Variants in RPRD1B observed in about 807,000 individuals in gnomAD.
The protein encoded by RPRD1B is regulation of nuclear pre-mRNA domain containing 1B.
Under a neutral mutation model 41.5 loss-of-function variants are expected in RPRD1B, and 11 were observed. The ratio of observed to expected loss-of-function variants is 0.27; its 90% CI spans 0.17 to 0.44. The LOEUF (loss-of-function observed/expected upper bound fraction) is 0.44. Ranked by LOEUF, RPRD1B falls within the 20% of genes least tolerant of loss-of-function variation. The pLI, the probability that RPRD1B is intolerant of heterozygous loss-of-function variation, is 1.00. For missense variants in RPRD1B, 248 were observed against 389.9 expected, an observed-to-expected ratio of 0.64 and a Z score of 3.06; for synonymous variants, 158 against 155.6, an observed-to-expected ratio of 1.02 and a Z score of -0.12.
At position 38,090,048 on chromosome 20, in the gene RPRD1B, G is replaced by A; in HGVS notation, c.*173G>A. 1 of 1,371,776 alleles carries A rather than the reference G, an allele frequency of 7.3e-7. No homozygotes were observed. Among genetic ancestry groups the A allele is most frequent in the Non-Finnish European group, 9.4e-7 (1 of 1,062,072 alleles). 85.0% of individuals were successfully genotyped at this position (1,371,776 alleles called of 1,614,324 possible). On this transcript the variant is annotated 3_prime_UTR_variant, in exon 7 of 7. Coordinates refer to ENST00000373433, the MANE Select transcript of RPRD1B (RefSeq NM_021215.4). ...TCTTCAGCCTCTCATCTTGAGCACA[G>A]TTCAGAACAGTGGCGACTGGAATCT...
intron 2 of RPRD1B, among the ~76,000 whole-genome samples, chr20:38,044,074 T>C (rs1408668248): frequency 6.6e-6 from 1 of 152,198 alleles, no homozygotes; most frequent in Admixed American, 6.5e-5. Context: ...CATCATGTAG[T>C]CATAGTCATG....
At chr20:38,081,268 C>T (rs973052523) in intron 6 of RPRD1B, among the ~76,000 whole-genome samples, 9 of 151,334 alleles carry the variant, frequency 5.9e-5, no homozygotes, top group Middle Eastern at 3.4e-3. Context: ...TTCTTGTTGT[C>T]GAGATTTTTC....
In RPRD1B at chr20:38,062,214, T is replaced by C. The variant is rs184160435; in HGVS notation, c.655+2694T>C. Reference sequence around the variant, plus strand: ...CTAGGACCCTGCATTATTCTAGCTTTCCTCCTCTCTTTCTGTGTCTTTTCA... The same window carrying C: ...CTAGGACCCTGCATTATTCTAGCTTCCCTCCTCTCTTTCTGTGTCTTTTCA... On this transcript the variant is annotated intron_variant, in intron 5 of 6. Transcript: ENST00000373433. Among the ~76,000 whole-genome samples, 33 of 152,316 alleles carry C rather than the reference T, an allele frequency of 2.2e-4. 1 individual carries two copies. The highest frequency in any genetic ancestry group is 6.5e-4 in the Admixed American group (10 of 15,298).
intron 3 of RPRD1B, chr20:38,049,622 C>T: frequency 2.4e-6 from 1 of 423,256 alleles, no homozygotes; most frequent in Non-Finnish European, 4.9e-6. Flanking sequence ...CCCGCCTCAG[C>T]CTCCCAAAGT....
At chr20:38,042,518 G>T (rs1268831708) in intron 2 of RPRD1B, among the ~76,000 whole-genome samples, 1 of 152,208 alleles carries the variant, frequency 6.6e-6, no homozygotes, top group Non-Finnish European at 1.5e-5. Flanking sequence ...GGCAGATTCA[G>T]TGGCAGTGTG....
At chr20:38,072,598 G>A (rs2074423173) in intron 6 of RPRD1B, among the ~76,000 whole-genome samples, 1 of 152,162 alleles carries the variant, frequency 6.6e-6, no homozygotes, top group South Asian at 2.1e-4. Context: ...GGGTCACTTT[G>A]GGGAGTATTG....
In RPRD1B at chr20:38,091,479, A is replaced by G; in HGVS notation, c.*1604A>G. The G allele has an allele frequency of 3.0e-6, 3 of 985,474 alleles. No homozygotes were observed. The highest frequency in any genetic ancestry group is 3.6e-6 in the Non-Finnish European group (3 of 829,940). 61.0% of individuals were successfully genotyped at this position (985,474 alleles called of 1,614,324 possible). A position where few individuals can be genotyped will look rare whatever the true frequency, so the allele number is the denominator to read the frequency against. On this transcript the variant is annotated 3_prime_UTR_variant, in exon 7 of 7. Coordinates refer to ENST00000373433, the MANE Select transcript of RPRD1B (RefSeq NM_021215.4). Reference sequence around the variant, plus strand: ...TGAGCTGTTATTCAGATTTGAATTCAGACTGTGTGTTGTTTGCTTATGGAC... The same window carrying G: ...TGAGCTGTTATTCAGATTTGAATTCGGACTGTGTGTTGTTTGCTTATGGAC...
chr20:38,040,997 A>G (rs913088058), intron 2 of RPRD1B, among the ~76,000 whole-genome samples: 2 of 152,230 alleles, frequency 1.3e-5, no homozygotes, highest in African/African-American at 4.8e-5. Context: ...TTTACTAAAA[A>G]TAGTAGGCAT....
Position 38,091,023 on chromosome 20 carries a change from A to G in RPRD1B, c.*1148A>G. 2.0e-6 allele frequency: 2 copies of G among 985,704 alleles called. No homozygotes were observed. The highest frequency in any genetic ancestry group is 9.4e-5 in the South Asian group (2 of 21,282). The allele number at this position is 985,704 out of a possible 1,614,324, so 61.1% of individuals were successfully genotyped here. ...GATATTAATTGGGGGTTTTAATTCT[A>G]TTATCATGTCAGCTGACATTATGAC... On this transcript the variant is annotated 3_prime_UTR_variant, in exon 7 of 7. Coordinates refer to ENST00000373433, the MANE Select transcript of RPRD1B (RefSeq NM_021215.4).
intron 3 of RPRD1B, 85 bp downstream of exon 3, chr20:38,048,566 G>T: frequency 6.6e-7 from 1 of 1,505,664 alleles, no homozygotes; most frequent in South Asian, 1.3e-5. Context: ...GGTTTGCTGT[G>T]AACCACCAGC....
At chr20:38,080,060 T>C (rs765473124) in intron 6 of RPRD1B, among the ~76,000 whole-genome samples, 8 of 152,222 alleles carry the variant, frequency 5.3e-5, no homozygotes, top group Non-Finnish European at 1.2e-4. Flanking sequence ...CTATTTTTAA[T>C]GGGGTTTTTT....
In RPRD1B at chr20:38,091,642, C is replaced by T. The variant is rs1379128279; in HGVS notation, c.*1767C>T. On this transcript the variant is annotated 3_prime_UTR_variant, in exon 7 of 7. Coordinates refer to ENST00000373433, the MANE Select transcript of RPRD1B (RefSeq NM_021215.4). ...GCACTCCCCAACCTCTCCCCCACCC[C>T]CCGTGGTGTGCTGCTTTCTAGATGA... 1 of 985,662 alleles carries T rather than the reference C, an allele frequency of 1.0e-6. No individual in the cohort carries two copies. Among genetic ancestry groups the T allele is most frequent in the Non-Finnish European group, 1.2e-6 (1 of 830,104 alleles). The allele number at this position is 985,662 out of a possible 1,614,324, so 61.1% of individuals were successfully genotyped here.
rs1354343793 is a variant in RPRD1B, at chr20:38,034,284, C to T, written c.151+186C>T. Among the ~76,000 whole-genome samples the T allele has an allele frequency of 2.0e-5, 3 of 152,206 alleles. No homozygotes were observed. In the East Asian group the frequency reaches 5.8e-4, roughly 29 times the overall value. ...CTGAGGCCCGGGAAGGTTTAAGGTA[C>T]TTGCCTGAGGGTCCACGGACTGGGA... is the stretch of plus-strand genomic sequence containing the variant. On this transcript the variant is annotated intron_variant, in intron 1 of 6. Transcript: ENST00000373433.
chr20:38,053,029 GGATA>G (rs2074204042), intron 3 of RPRD1B, among the ~76,000 whole-genome samples: 2 of 152,148 alleles, frequency 1.3e-5, no homozygotes, highest in African/African-American at 4.8e-5. Flanking sequence ...ACAAGTTGGA[GGATA>G]GAATAGAAGG....
intron 2 of RPRD1B, among the ~76,000 whole-genome samples, chr20:38,046,514 A>G (rs2074122938): frequency 6.6e-6 from 1 of 152,248 alleles, no homozygotes; most frequent in Non-Finnish European, 1.5e-5. Flanking sequence ...ACAAAAAGTA[A>G]ACTATTGAAT....
chr20:38,058,449 A>G (rs553314066), intron 4 of RPRD1B, among the ~76,000 whole-genome samples: 2 of 152,254 alleles, frequency 1.3e-5, no homozygotes, highest in South Asian at 4.1e-4. Flanking sequence ...CTAGATTATT[A>G]CCTTTCAGGG....
chr20:38,085,868 G>T (rs2074556460), intron 6 of RPRD1B, among the ~76,000 whole-genome samples: 2 of 149,340 alleles, frequency 1.3e-5, no homozygotes, highest in African/African-American at 5.0e-5. Flanking sequence ...TTGAGACAGG[G>T]TCTCACTCTC....
At chr20:38,057,674 C>A in intron 4 of RPRD1B, 30 bp downstream of exon 4, 2 of 1,504,122 alleles carry the variant, frequency 1.3e-6, no homozygotes, top group Non-Finnish European at 9.3e-7. Context: ...GAGTAGGGAA[C>A]AGTGGCTTAA....
rs573460686 is a variant in RPRD1B, at chr20:38,076,906, C to CTTTTTTTTTTTTTTTTTTTTTT, written c.831+10659_831+10680dup. ...CCTTTAGCCTTTTCTCATTCTGGAC[C>CTTTTTTTTTTTTTTTTTTTTTT]TTTTTTTTTTTTTTTTTTTTTTTTT... On this transcript the variant is annotated intron_variant, in intron 6 of 6. Transcript: ENST00000373433. Among the ~76,000 whole-genome samples the CTTTTTTTTTTTTTTTTTTTTTT allele has an allele frequency of 1.6e-4, 10 of 63,524 alleles. 2 individuals are homozygous for CTTTTTTTTTTTTTTTTTTTTTT. Among genetic ancestry groups the CTTTTTTTTTTTTTTTTTTTTTT allele is most frequent in the Non-Finnish European group, 2.2e-4 (8 of 36,262 alleles). The allele number at this position is 63,524 out of a possible 152,430, so 41.7% of individuals were successfully genotyped here.
Sources: allele counts gnomAD v4.1 joint callset (sites outside exome capture counted in the v4.1 genomes callset), GRCh38; gene constraint gnomAD v4.1.1; transcripts MANE v1.5; gene names NCBI Gene and HGNC (gene_info 2026-07-23, HGNC 2026-07-21).